The following DIAPH2 variants were observed in gnomAD, a reference collection of about 807,000 sequenced individuals.
DIAPH2 encodes diaphanous related formin 2, also known as protein diaphanous homolog 2.
In DIAPH2, 35 loss-of-function variants were observed where a neutral mutation model predicts 92.7. That is an observed-to-expected ratio of 0.38 (90% CI 0.29 to 0.50). DIAPH2 has a LOEUF of 0.50. Ranked by LOEUF, DIAPH2 falls within the 20% of genes least tolerant of loss-of-function variation. The pLI is 0.94. For missense variants in DIAPH2, 701 were observed against 819.5 expected, an observed-to-expected ratio of 0.86 and a Z score of 1.77; for synonymous variants, 301 against 280.4, an observed-to-expected ratio of 1.07 and a Z score of -0.73.
At chrX:97,194,421 A>G (rs946261391) in intron 22 of DIAPH2, among the ~76,000 whole-genome samples, 65 of 109,112 alleles carry the variant, frequency 6.0e-4, no homozygotes, top group African/African-American at 2.1e-3. Flanking sequence ...AGCTGGGACT[A>G]CAGGCACCCG....
At chrX:97,438,669 G>A (rs1261910807) in intron 26 of DIAPH2, among the ~76,000 whole-genome samples, 1 of 110,099 alleles carries the variant, frequency 9.1e-6, no homozygotes, top group Non-Finnish European at 1.9e-5. Context: ...AAGCCACCAC[G>A]CCACACCAAG....
At chrX:97,464,431 C>T (rs1049329599) in intron 26 of DIAPH2, among the ~76,000 whole-genome samples, 3 of 109,793 alleles carry the variant, frequency 2.7e-5, no homozygotes, top group Non-Finnish European at 5.7e-5. Flanking sequence ...GAGCCCAGAT[C>T]GCGCCATTGG....
chrX:96,826,339 C>T (rs891876928), intron 4 of DIAPH2, among the ~76,000 whole-genome samples: 1 of 110,096 alleles, frequency 9.1e-6, no homozygotes, highest in Non-Finnish European at 1.9e-5. Context: ...ATCGCTTGAA[C>T]CCAGGAGGCA....
At chrX:97,105,651 G>C (rs999749330) in intron 20 of DIAPH2, among the ~76,000 whole-genome samples, 3 of 112,169 alleles carry the variant, frequency 2.7e-5, no homozygotes, top group Non-Finnish European at 3.8e-5. Context: ...GTTCCCACTT[G>C]TCTTGCACAG....
At chrX:97,445,474 G>A (rs1280773547) in intron 26 of DIAPH2, among the ~76,000 whole-genome samples, 1 of 110,461 alleles carries the variant, frequency 9.1e-6, no homozygotes, top group African/African-American at 3.3e-5. Context: ...ACAGAGTGCA[G>A]TGGTGCGATC....
At chrX:97,183,950 T>C (rs757987750) in intron 22 of DIAPH2, among the ~76,000 whole-genome samples, 1 of 112,558 alleles carries the variant, frequency 8.9e-6, no homozygotes, top group East Asian at 2.8e-4. Context: ...CACAATTAAC[T>C]TCTGACTGGC....
chrX:97,199,246 C>T (rs867596419), intron 22 of DIAPH2, among the ~76,000 whole-genome samples: 1 of 76,014 alleles, frequency 1.3e-5, no homozygotes, highest in Non-Finnish European at 2.7e-5. Flanking sequence ...TGTGTGTGTA[C>T]GTGTGTGTAT....
rs139046987 is a variant in DIAPH2 at position 97,339,516 on chromosome X, A to G, written c.2845-8600A>G. 6.4e-3 allele frequency among the ~76,000 whole-genome samples: 718 copies of G among 111,464 alleles called. 2 individuals are homozygous for G. The highest frequency in any genetic ancestry group is 0.022 in the African/African-American group (674 of 30,655). ...GGAGATAGAGTGAGATTCTATCTCA[A>G]AAGAAAAAAAAAGGAAATAAAAATG... On this transcript the variant is annotated intron_variant, in intron 23 of 26. Transcript: ENST00000324765.
chrX:97,300,631 A>C (rs1248738892), intron 23 of DIAPH2, among the ~76,000 whole-genome samples: 2 of 107,266 alleles, frequency 1.9e-5, no homozygotes, highest in Non-Finnish European at 3.8e-5. Flanking sequence ...AAAAAAAAAA[A>C]AAACAAGAAG....
chrX:97,194,543 C>G lies in DIAPH2; in HGVS notation c.2719+52749C>G, dbSNP rs766377371. On this transcript the variant is annotated intron_variant, in intron 22 of 26. Transcript: ENST00000324765. Reference sequence around the variant, plus strand: ...TCGTGATCCGCCCACCTTGGCCTCCCAAAGTGCTGGGATTACAGGCGTGAA... The same window carrying G: ...TCGTGATCCGCCCACCTTGGCCTCCGAAAGTGCTGGGATTACAGGCGTGAA... 3.3e-4 allele frequency among the ~76,000 whole-genome samples: 37 copies of G among 111,289 alleles called. 1 individual carries two copies. The highest frequency in any genetic ancestry group is 5.7e-5 in the Non-Finnish European group (3 of 53,072).
At chrX:96,847,586 AT>A (rs1156671030) in intron 4 of DIAPH2, among the ~76,000 whole-genome samples, 1 of 106,578 alleles carries the variant, frequency 9.4e-6, no homozygotes, top group Non-Finnish European at 1.9e-5. Flanking sequence ...TCTGTCTATT[AT>A]TGTTGTTTTA....
intron 1 of DIAPH2, among the ~76,000 whole-genome samples, chrX:96,724,437 C>T (rs73547715): frequency 0.019 from 2,091 of 112,001 alleles, 47 homozygotes; most frequent in African/African-American, 0.065. Context: ...AATTTATCCT[C>T]ATAATTCAGA....
intron 26 of DIAPH2, among the ~76,000 whole-genome samples, chrX:97,545,529 AAAAAAT>A (rs1160758230): frequency 3.3e-4 from 6 of 18,067 alleles, no homozygotes; most frequent in African/African-American, 4.6e-4. Flanking sequence ...GATGAAAAAA[AAAAAAT>A]ATATATATAT....
At chrX:97,323,593 G>GA (rs1199744995) in intron 23 of DIAPH2, among the ~76,000 whole-genome samples, 2,274 of 23,233 alleles carry the variant, frequency 0.098, 93 homozygotes, top group African/African-American at 0.12. Context: ...TCCGTCTCAA[G>GA]AAAAAAAAAA....
chrX:97,412,297 A>G (rs768087390), intron 25 of DIAPH2, among the ~76,000 whole-genome samples: 5 of 112,251 alleles, frequency 4.5e-5, no homozygotes, highest in African/African-American at 1.6e-4. Context: ...CTGCTCCTGA[A>G]TGACTACTGG....
chrX:97,054,074 A>G (rs910917706), intron 17 of DIAPH2, among the ~76,000 whole-genome samples: 3 of 111,976 alleles, frequency 2.7e-5, no homozygotes, highest in Admixed American at 9.5e-5. Flanking sequence ...AGTGATGGAA[A>G]TTGAAAACAT....
intron 4 of DIAPH2, among the ~76,000 whole-genome samples, chrX:96,791,707 A>G (rs1360825018): frequency 1.8e-5 from 2 of 110,978 alleles, no homozygotes; most frequent in African/African-American, 3.3e-5. Context: ...TTTATTACAT[A>G]ATGGTCTATT....
chrX:96,815,131 C>A (rs775949046), intron 4 of DIAPH2, among the ~76,000 whole-genome samples: 1 of 112,169 alleles, frequency 8.9e-6, no homozygotes, highest in East Asian at 2.8e-4. Context: ...CTATGCCCTG[C>A]CCCCCGAGGT....
intron 5 of DIAPH2, among the ~76,000 whole-genome samples, chrX:96,900,356 C>G (rs1367703384): frequency 9.0e-6 from 1 of 111,266 alleles, no homozygotes; most frequent in Non-Finnish European, 1.9e-5. Context: ...TTTATCAGAT[C>G]TAGGAGCCTT....
Sources: gnomAD v4.1 joint callset for allele counts (sites outside exome capture counted in the v4.1 genomes callset) on GRCh38, gnomAD v4.1.1 for gene constraint, MANE v1.5 for transcripts, NCBI Gene and HGNC (gene_info 2026-07-23, HGNC 2026-07-21) for gene names.